Variants in PEX1 observed in about 807,000 individuals in gnomAD.
The protein encoded by PEX1 is peroxisomal biogenesis factor 1.
A neutral mutation model predicts 152.5 loss-of-function variants in PEX1; 97 were observed. The observed-to-expected ratio is 0.64, with a 90% CI of 0.54 to 0.75. The LOEUF (loss-of-function observed/expected upper bound fraction) is 0.75. Among genes scored for constraint, PEX1 ranks in the 30% least tolerant of loss-of-function variants. PEX1 has a pLI of 0.00. For missense variants in PEX1, 1,357 were observed against 1,516.3 expected (o/e 0.89, Z 1.74); for synonymous variants, 485 against 531.6 (o/e 0.91, Z 1.21).
chr7:92,509,481 G>A (rs1792354903), intron 8 of PEX1, 70 bp from the exon 9 acceptor site: 1 of 1,084,558 alleles, frequency 9.2e-7, no homozygotes, highest in Non-Finnish European at 1.4e-6. Flanking sequence ...TCGGGTCCCA[G>A]AAAACTAAAT....
chr7:92,517,202 T>C, intron 5 of PEX1, 74 bp downstream of exon 5: 1 of 1,132,744 alleles, frequency 8.8e-7, no homozygotes. Flanking sequence ...ATATATGAAA[T>C]ACTATTCTAA....
chr7:92,513,666 C>T lies in PEX1; in HGVS notation c.1359+182G>A, dbSNP rs574815183. On this transcript the variant is annotated intron_variant, in intron 6 of 23. Coordinates refer to ENST00000248633, the MANE Select transcript of PEX1 (RefSeq NM_000466.3). ...TACAATATTATGAATGTAATTAATG[C>T]CTTTGAATTATACACTTAAAAATGG... Among the ~76,000 whole-genome samples the T allele has an allele frequency of 5.9e-5, 9 of 152,014 alleles. No homozygotes were observed. In the South Asian group the frequency reaches 8.3e-4, roughly 14 times the overall value.
chr7:92,487,671 C>A, intron 23 of PEX1, 130 bp from the exon 24 acceptor site: 1 of 467,384 alleles, frequency 2.1e-6, no homozygotes, highest in Middle Eastern at 5.6e-4. Flanking sequence ...AAAAAAAATT[C>A]CAGTCACAGA....
rs1241623277 is a variant in PEX1, at chr7:92,501,535, A to C, written c.2555T>G (p.Leu852Arg). ...IGGLHEVRQILMDTIQLPAKY... is the reference protein window; with the variant it reads ...IGGLHEVRQIRMDTIQLPAKY... ...GGCAGGTAACTGGATAGTATCCATGAGTATCTGCCTAACTTCATGTAACCC... is the reference window on the plus strand; with the variant it reads ...GGCAGGTAACTGGATAGTATCCATGCGTATCTGCCTAACTTCATGTAACCC... The change falls in exon 15 of 24, where the codon CTC becomes CGC. Residue 852 changes from leucine (L) to arginine (R), a missense_variant. By Grantham distance (102) the Leu-to-Arg change is moderately radical. Transcript: ENST00000248633. The C allele has an allele frequency of 6.2e-7, 1 of 1,613,708 alleles. No individual in the cohort carries two copies. The highest frequency in any genetic ancestry group is 8.5e-7 in the Non-Finnish European group (1 of 1,179,792).
At chr7:92,509,271 C>A in intron 9 of PEX1, 58 bp downstream of exon 9, 2 of 1,109,412 alleles carry the variant, frequency 1.8e-6, no homozygotes, top group South Asian at 2.5e-5. Flanking sequence ...ATTGAAAACT[C>A]TGCCAGATAT....
chr7:92,490,891 TTTG>T (rs1365104546), intron 21 of PEX1, among the ~76,000 whole-genome samples: 1 of 152,212 alleles, frequency 6.6e-6, no homozygotes, highest in Non-Finnish European at 1.5e-5. Context: ...CAGATAACAC[TTTG>T]TTTTCAGGAA....
chr7:92,504,845 C>T lies in PEX1; in HGVS notation c.1958G>A (p.Trp653Ter), dbSNP rs1279116693. The T allele has an allele frequency of 6.2e-7, 1 of 1,613,818 alleles. No homozygotes were observed. Among genetic ancestry groups the T allele is most frequent in the Non-Finnish European group, 8.5e-7 (1 of 1,179,816 alleles). The change falls in exon 12 of 24, where the codon TGG (tryptophan) becomes TAG (stop). Residue 653 changes from tryptophan (W) to a stop codon, truncating the protein, a stop_gained. Transcript: ENST00000248633. LOFTEE classifies it high-confidence loss of function. ...CAGCAGGACAACAGATGGCTGCATCCACACTGCCTCTGAGAAAGCCACCTC... is the reference window on the plus strand; with the variant it reads ...CAGCAGGACAACAGATGGCTGCATCTACACTGCCTCTGAGAAAGCCACCTC... ...TLEVAFSEAV[W>*]MQPSVVLLDD...
intron 5 of PEX1, among the ~76,000 whole-genome samples, chr7:92,516,195 G>A (rs1175387196): frequency 6.6e-6 from 1 of 152,178 alleles, no homozygotes; most frequent in Non-Finnish European, 1.5e-5. Context: ...GGAGGCCGAG[G>A]CAGGCAGATC....
intron 6 of PEX1, 35 bp downstream of exon 6, chr7:92,513,813 A>G: frequency 6.6e-7 from 1 of 1,506,210 alleles, no homozygotes; most frequent in South Asian, 1.2e-5. Flanking sequence ...AAACGTGTAA[A>G]AGAATTTTGA....
chr7:92,494,899 G>A (rs563397033), intron 17 of PEX1, among the ~76,000 whole-genome samples: 1 of 151,726 alleles, frequency 6.6e-6, no homozygotes, highest in Non-Finnish European at 1.5e-5. Context: ...CTTGTATTCA[G>A]TAAACTGTTG....
intron 5 of PEX1, among the ~76,000 whole-genome samples, chr7:92,516,084 A>AGAAAAGAAAG: frequency 2.6e-5 from 4 of 151,532 alleles, no homozygotes; most frequent in African/African-American, 9.7e-5. Flanking sequence ...AGAAAAGAAA[A>AGAAAAGAAAG]GAAAAGAAAA....
intron 13 of PEX1, 79 bp downstream of exon 13, chr7:92,502,962 C>T (rs967249665): frequency 4.8e-5 from 58 of 1,220,888 alleles, no homozygotes; most frequent in Non-Finnish European, 6.9e-5. Context: ...AAATTTAAAG[C>T]CACGAATTAC....
chr7:92,503,227 G>C, intron 12 of PEX1, 32 bp from the exon 13 acceptor site: 2 of 1,595,144 alleles, frequency 1.3e-6, no homozygotes, highest in South Asian at 2.2e-5. Context: ...CAAAAGCTTA[G>C]GAAAAGTAAA....
Position 92,494,230 on chromosome 7 carries a change from A to G in PEX1, c.3030+63T>C, listed in dbSNP as rs1413067166. 8 of 1,227,306 alleles carry G rather than the reference A, an allele frequency of 6.5e-6. No individual in the cohort carries two copies. In the Admixed American group the frequency reaches 1.5e-4, roughly 22 times the overall value. The allele number at this position is 1,227,306 out of a possible 1,614,324, so 76.0% of individuals were successfully genotyped here. A position where few individuals can be genotyped will look rare whatever the true frequency, so the allele number is the denominator to read the frequency against. Reference sequence around the variant, plus strand: ...ACAATTGCCATTACCTGGCAGAAGTAAAGCTCACAAGGAAAGAGTGTAGCA... The same window carrying G: ...ACAATTGCCATTACCTGGCAGAAGTGAAGCTCACAAGGAAAGAGTGTAGCA... On this transcript the variant is annotated intron_variant, in intron 19 of 23. Transcript: ENST00000248633.
At chr7:92,494,204 G>T in intron 19 of PEX1, 89 bp downstream of exon 19, 1 of 946,350 alleles carries the variant, frequency 1.1e-6, no homozygotes. Context: ...GTCTTCTAAG[G>T]ACAATTGCCA....
chr7:92,499,911 T>C, intron 15 of PEX1, 73 bp from the exon 16 acceptor site: 1 of 1,245,196 alleles, frequency 8.0e-7, no homozygotes. Context: ...CAGCTAAAGA[T>C]CAATGTATAG....
chr7:92,507,176 A>G, intron 9 of PEX1, 50 bp from the exon 10 acceptor site: 2 of 1,551,196 alleles, frequency 1.3e-6, no homozygotes, highest in Non-Finnish European at 1.8e-6. Flanking sequence ...GCAGGATAAA[A>G]TTTAGCTATA....
chr7:92,487,523 AT>A lies in PEX1; in HGVS notation c.3785del (p.Asn1262IlefsTer19). ...NFAELYESFQNPKRRKNQSGT... is the reference protein window; with the variant it reads ...NFAELYESFQXPKRRKNQSGT... The stretch of plus-strand genomic sequence containing the variant: ...CACTTTGATTTTTTCTCCTCTTTGG[AT>A]TTTGAAAGCTTTCATATCTGAAAAA... On this transcript the variant is annotated frameshift_variant, in exon 24 of 24. Coordinates refer to ENST00000248633, the MANE Select transcript of PEX1 (RefSeq NM_000466.3). LOFTEE classifies it high-confidence loss of function. 6.3e-7 allele frequency: 1 copy of A among 1,576,882 alleles called. No homozygotes were observed. Among genetic ancestry groups the A allele is most frequent in the Non-Finnish European group, 8.7e-7 (1 of 1,148,680 alleles).
chr7:92,492,035 A>C (rs2116065014), intron 20 of PEX1, among the ~76,000 whole-genome samples: 1 of 152,348 alleles, frequency 6.6e-6, no homozygotes, highest in Admixed American at 6.5e-5. Flanking sequence ...TATATGGTAA[A>C]GTCTATAATG....
Sources: allele counts gnomAD v4.1 joint callset (sites outside exome capture counted in the v4.1 genomes callset), GRCh38; gene constraint gnomAD v4.1.1; transcripts MANE v1.5; gene names NCBI Gene and HGNC (gene_info 2026-07-23, HGNC 2026-07-21).